KCNA6: variants seen among roughly 807,000 people sequenced by gnomAD.
KCNA6 encodes the protein potassium voltage-gated channel subfamily A member 6, also known as human brain potassium channel-2.
In KCNA6, 17 loss-of-function variants were observed where a neutral mutation model predicts 29.5. That is an observed-to-expected ratio of 0.58 (90% CI 0.39 to 0.86). KCNA6 has a LOEUF of 0.86. KCNA6 is among the 40% of genes least tolerant of loss of function. The probability of loss-of-function intolerance (pLI) is 0.00; values close to 1 mark genes in which losing one functional copy is unlikely to be tolerated. For missense variants in KCNA6, 450 were observed against 703.4 expected (o/e 0.64, Z 4.07); for synonymous variants, 296 against 304.7 (o/e 0.97, Z 0.30).
At chr12:4,813,553 T>TA (rs1290305535), downstream of KCNA6, 1 of 167,084 alleles carries the variant, frequency 6.0e-6, no homozygotes, top group Non-Finnish European at 1.5e-5. Flanking sequence ...CCTTTCTTCT[T>TA]ACCCTTCAGA....
the KCNA6 span, among the ~76,000 whole-genome samples, chr12:4,837,071 G>A: frequency 2.0e-5 from 3 of 152,112 alleles, no homozygotes; most frequent in East Asian, 3.9e-4. Flanking sequence ...TTTCAATCCT[G>A]CCCCCCACAA....
the KCNA6 span, among the ~76,000 whole-genome samples, chr12:4,820,707 C>T: frequency 6.6e-6 from 1 of 152,088 alleles, no homozygotes; most frequent in Admixed American, 6.5e-5. Flanking sequence ...GTTTCCAGGG[C>T]ACAGAGGCAG....
chr12:4,816,634 G>T (rs1946685134), downstream of KCNA6, among the ~76,000 whole-genome samples: 1 of 151,960 alleles, frequency 6.6e-6, no homozygotes, highest in South Asian at 2.1e-4. Flanking sequence ...ATCTACTATG[G>T]TTATTATTTT....
At chr12:4,823,546 C>A in the KCNA6 span, among the ~76,000 whole-genome samples, 1 of 151,888 alleles carries the variant, frequency 6.6e-6, no homozygotes, top group South Asian at 2.1e-4. Flanking sequence ...GCGGGCGAAT[C>A]ACTTGAGGTC....
chr12:4,818,421 GTTTC>G, the KCNA6 span, among the ~76,000 whole-genome samples: 1 of 152,158 alleles, frequency 6.6e-6, no homozygotes, highest in East Asian at 1.9e-4. Context: ...TGTGGCCTCA[GTTTC>G]TTTCTCTGTC....
chr12:4,830,818 C>A, the KCNA6 span, among the ~76,000 whole-genome samples: 2 of 152,232 alleles, frequency 1.3e-5, no homozygotes, highest in Non-Finnish European at 1.5e-5. Flanking sequence ...GCAATGCGGG[C>A]AGGGGCGCTG....
chr12:4,810,834 C>G lies in KCNA6; in HGVS notation c.793C>G (p.Leu265Val). ...CTCCTTCTTTACAGACCCCTTCTTT[C>G]TGGTGGAGACGCTGTGCATTGTCTG... Residue 265 changes from leucine (L) to valine (V), a missense_variant, in exon 1 of 1, where the codon CTG becomes GTG. Around this residue, in one of 7 missense-constraint regions of KCNA6, gnomAD observed 74 missense variants for 71.5 expected, o/e 1.03. Coordinates refer to ENST00000280684, the Ensembl canonical transcript of KCNA6. The surrounding 1 kb of genome is among the most constrained non-coding windows in gnomAD (Gnocchi z 7.5). 1 of 1,598,988 alleles carries G rather than the reference C, an allele frequency of 6.3e-7. No homozygotes were observed. The highest frequency in any genetic ancestry group is 1.1e-5 in the South Asian group (1 of 87,446).
the KCNA6 span, among the ~76,000 whole-genome samples, chr12:4,821,458 G>T: frequency 5.9e-5 from 8 of 135,284 alleles, no homozygotes; most frequent in South Asian, 1.0e-3. Context: ...GTGTGTGTGT[G>T]TGTTTTGTTT....
At position 4,810,059 on chromosome 12, in the gene KCNA6, C is replaced by A; in HGVS notation, c.18C>A (p.Ser6=). The stretch of plus-strand genomic sequence containing the variant: ...GAGGGGGCATGAGATCGGAGAAATC[C>A]CTTACGCTGGCGGCGCCGGGGGAGG... The change falls in exon 1 of 1, where the codon TCC becomes TCA. Residue 6 remains serine (S), a synonymous_variant. Coordinates refer to ENST00000280684, the Ensembl canonical transcript of KCNA6. The surrounding 1 kb of genome is among the most constrained non-coding windows in gnomAD (Gnocchi z 7.5). 1.3e-6 allele frequency: 2 copies of A among 1,544,164 alleles called. No homozygotes were observed.
chr12:4,809,910 G>A, exon 1 of KCNA6: 1 of 1,128,286 alleles, frequency 8.9e-7, no homozygotes, highest in Admixed American at 2.9e-5. Flanking sequence ...GGCCAGGTCA[G>A]ACCGCGAACC....
the KCNA6 span, among the ~76,000 whole-genome samples, chr12:4,832,737 C>CT: frequency 6.6e-6 from 1 of 152,182 alleles, no homozygotes; most frequent in Non-Finnish European, 1.5e-5. Flanking sequence ...TCAACCCTCC[C>CT]TCTCTCCTCA....
the KCNA6 span, among the ~76,000 whole-genome samples, chr12:4,844,577 A>G: frequency 2.0e-5 from 3 of 152,186 alleles, no homozygotes; most frequent in Non-Finnish European, 4.4e-5. The surrounding 1 kb of genome is among the most constrained non-coding windows in gnomAD (Gnocchi z 4.0). Flanking sequence ...GGAACAGAAC[A>G]GCAAAGGGGC....
At position 4,811,452 on chromosome 12, in the gene KCNA6, C is replaced by A; in HGVS notation, c.1411C>A (p.Gln471Lys). ...CTACTTCTACCACCGGGAGACGGAG[C>A]AGGAGGAGCAAGGCCAGTATACCCA... Residue 471 changes from glutamine to lysine, a missense_variant, in exon 1 of 1, where the codon CAG becomes AAG. Gln to Lys is a moderately conservative substitution (Grantham distance 53). Around this residue, in one of 7 missense-constraint regions of KCNA6, gnomAD observed 57 missense variants for 140.3 expected, o/e 0.41. Transcript: ENST00000280684. The surrounding 1 kb of genome is among the most constrained non-coding windows in gnomAD (Gnocchi z 7.1). 1 of 1,614,200 alleles carries A rather than the reference C, an allele frequency of 6.2e-7. No homozygotes were observed. Among genetic ancestry groups the A allele is most frequent in the Non-Finnish European group, 8.5e-7 (1 of 1,180,030 alleles).
Position 4,810,499 on chromosome 12 carries a change from C to T in KCNA6, c.458C>T (p.Ser153Phe). 1 of 1,614,198 alleles carries T rather than the reference C, an allele frequency of 6.2e-7. No individual in the cohort carries two copies. Among genetic ancestry groups the T allele is most frequent in the Non-Finnish European group, 8.5e-7 (1 of 1,180,042 alleles). The change falls in exon 1 of 1, where the codon TCC becomes TTC. Residue 153 changes from serine (S) to phenylalanine (F), a missense_variant. Transcript: ENST00000280684. This position sits in a 1 kb window ranked among gnomAD's most constrained non-coding sequence, Gnocchi z 7.5. ...GGCGAGGACGAGAAGCCGCTGCCCT[C>T]CCAGCCCTTCCAGCGCCAGGTGTGG... is the stretch of plus-strand genomic sequence containing the variant.
chr12:4,840,581 C>T, the KCNA6 span, among the ~76,000 whole-genome samples: 1 of 152,196 alleles, frequency 6.6e-6, no homozygotes, highest in African/African-American at 2.4e-5. Flanking sequence ...TTACCAAGCT[C>T]AAGGTTTTAA....
chr12:4,817,795 A>G (rs1157431536), downstream of KCNA6, among the ~76,000 whole-genome samples: 2 of 152,164 alleles, frequency 1.3e-5, no homozygotes, highest in Admixed American at 6.5e-5. Flanking sequence ...TACTCTAAAG[A>G]GAATTCCTCA....
At chr12:4,809,865 G>T in exon 1 of KCNA6, 1 of 687,034 alleles carries the variant, frequency 1.5e-6, no homozygotes, top group East Asian at 2.9e-5. Flanking sequence ...ACCCAGCCTT[G>T]CAGGGACCAG....
the KCNA6 span, among the ~76,000 whole-genome samples, chr12:4,830,290 C>A: frequency 2.6e-5 from 4 of 152,210 alleles, no homozygotes; most frequent in Admixed American, 2.0e-4. Flanking sequence ...CCAGCCCCTT[C>A]GATGCCATCC....
At chr12:4,837,247 C>T in the KCNA6 span, among the ~76,000 whole-genome samples, 115 of 152,362 alleles carry the variant, frequency 7.5e-4, no homozygotes, top group South Asian at 2.1e-3. Context: ...CCCAATAGGG[C>T]ATAGAAGCTC....
Sources: allele counts gnomAD v4.1 joint callset (sites outside exome capture counted in the v4.1 genomes callset), GRCh38; gene constraint gnomAD v4.1.1; regional missense constraint gnomAD v4.1.1; non-coding constraint Gnocchi (gnomAD v3.1); transcripts MANE v1.5; gene names NCBI Gene and HGNC (gene_info 2026-07-23, HGNC 2026-07-21).